PEAK3: variants seen among roughly 807,000 people sequenced by gnomAD.
The protein encoded by PEAK3 is PEAK family member 3.
PEAK3 carries 15 observed loss-of-function variants against 13.3 expected under a neutral mutation model. That is an observed-to-expected ratio of 1.13 (90% CI 0.75 to 1.73). The LOEUF is 1.73. PEAK3 is among the 40% of genes most tolerant of loss of function. PEAK3 has a pLI of 0.00. For missense variants in PEAK3, 739 were observed against 690.2 expected (o/e 1.07, Z -0.79); for synonymous variants, 347 against 341.9 (o/e 1.01, Z -0.17).
Position 2,280,891 on chromosome 19 carries a change from T to C in PEAK3, c.41A>G (p.Asp14Gly). The part of the protein sequence containing the change: ...PEPPTEPPEP[D>G]NPTWSTQPTY... ...GGGCTGAGTCGACCAGGTGGGGTTGTCGGGCTCGGGGGGCTCTGTGGGGGG... is the reference window on the plus strand; with the variant it reads ...GGGCTGAGTCGACCAGGTGGGGTTGCCGGGCTCGGGGGGCTCTGTGGGGGG... The change falls in exon 2 of 4, where the codon GAC becomes GGC. Residue 14 changes from aspartate (D) to glycine (G), a missense_variant. Physicochemically the swap from Asp to Gly is moderately conservative, Grantham distance 94 (BLOSUM62 -1). Transcript: ENST00000342063. 1 of 1,597,550 alleles carries C rather than the reference T, an allele frequency of 6.3e-7. No homozygotes were observed. Among genetic ancestry groups the C allele is most frequent in the Non-Finnish European group, 8.5e-7 (1 of 1,172,048 alleles).
Position 2,276,437 on chromosome 19 carries a change from G to A in PEAK3, c.665C>T (p.Ala222Val). ...CAGATTGAAGTGTGGAGACAGGGAG[G>A]CCTGCAGCTCCAGGCCCCACGGGTG... ...VPHPWGLELQ[A>V]SLSPHFNLQG... The change falls in exon 4 of 4, where the codon GCC becomes GTC. Residue 222 changes from alanine (A) to valine (V), a missense_variant. Coordinates refer to ENST00000342063, the MANE Select transcript of PEAK3 (RefSeq NM_198532.3). The A allele has an allele frequency of 1.3e-6, 2 of 1,587,864 alleles. No homozygotes were observed. Among genetic ancestry groups the A allele is most frequent in the Non-Finnish European group, 1.7e-6 (2 of 1,171,284 alleles).
At position 2,276,490 on chromosome 19, in the gene PEAK3, C is replaced by T; in HGVS notation, c.613-1G>A. 2.0e-6 allele frequency: 3 copies of T among 1,521,374 alleles called. No individual in the cohort carries two copies. Among genetic ancestry groups the T allele is most frequent in the Non-Finnish European group, 1.8e-6 (2 of 1,141,422 alleles). 94.2% of individuals were successfully genotyped at this position (1,521,374 alleles called of 1,614,324 possible). ...GCACGTCCGCCCCGGGCTTGGGCAC[C>T]TGCAAGGCAGAGGGGGTGTCGGGGC... is the stretch of plus-strand genomic sequence containing the variant. On this transcript the variant is annotated splice_acceptor_variant, in intron 3 of 3. Transcript: ENST00000342063. LOFTEE classifies it high-confidence loss of function.
chr19:2,280,981 G>T (rs183152543), intron 1 of PEAK3, 46 bp from the exon 2 acceptor site: 42 of 1,293,280 alleles, frequency 3.2e-5, no homozygotes, highest in African/African-American at 4.6e-5. Context: ...CCGTGTGCAC[G>T]CACAGGGCGA....
chr19:2,275,730 C>T lies in PEAK3; in HGVS notation c.1372G>A (p.Glu458Lys), dbSNP rs755197471. 7 of 1,559,478 alleles carry T rather than the reference C, an allele frequency of 4.5e-6. No homozygotes were observed. Among genetic ancestry groups the T allele is most frequent in the Admixed American group, 1.9e-5 (1 of 53,250 alleles). The change falls in exon 4 of 4, where the codon GAG becomes AAG. Residue 458 changes from glutamate to lysine, a missense_variant. Coordinates refer to ENST00000342063, the MANE Select transcript of PEAK3 (RefSeq NM_198532.3). Reference protein sequence around the residue: ...EDWLCCEYLAEATESSMGQAL... With the variant: ...EDWLCCEYLAKATESSMGQAL... ...TGGCCCATCGAGGACTCGGTGGCCT[C>T]GGCCAGGTATTCGCAACACAGCCAG...
At position 2,278,809 on chromosome 19, in the gene PEAK3, G is replaced by C; in HGVS notation, c.387C>G (p.His129Gln). The C allele has an allele frequency of 1.9e-6, 3 of 1,593,156 alleles. No homozygotes were observed. Among genetic ancestry groups the C allele is most frequent in the African/African-American group, 2.7e-5 (2 of 74,640 alleles). The change falls in exon 3 of 4, where the codon CAC becomes CAG. Residue 129 changes from histidine (H) to glutamine (Q), a missense_variant. Transcript: ENST00000342063. ...APLGLSLRDLHSPEAVHTALA... is the reference protein window; with the variant it reads ...APLGLSLRDLQSPEAVHTALA... Reference sequence around the variant, plus strand: ...GTGCAGTGTGCACAGCCTCCGGGCTGTGCAGATCGCGGAGGGAGAGGCCCA... The same window carrying C: ...GTGCAGTGTGCACAGCCTCCGGGCTCTGCAGATCGCGGAGGGAGAGGCCCA...
In PEAK3 at chr19:2,275,961, G is replaced by A; in HGVS notation, c.1141C>T (p.Leu381=). 7.1e-7 allele frequency: 1 copy of A among 1,412,676 alleles called. No homozygotes were observed. Among genetic ancestry groups the A allele is most frequent in the Non-Finnish European group, 9.2e-7 (1 of 1,090,708 alleles). The allele number at this position is 1,412,676 out of a possible 1,614,324, so 87.5% of individuals were successfully genotyped here. Residue 381 remains leucine, a synonymous_variant, in exon 4 of 4, where the codon CTG becomes TTG. Transcript: ENST00000342063. ...AAGLELLAAQ[L]TRLRPSASRT... ...GACGCCGAGGGCCGCAAGCGGGTCA[G>A]CTGTGCTGCCAGGAGCTCCAGGCCC...
rs2025391732 is a variant in PEAK3 at position 2,276,502 on chromosome 19, G to A, written c.613-13C>T. 2 of 1,490,880 alleles carry A rather than the reference G, an allele frequency of 1.3e-6. No individual in the cohort carries two copies. Among genetic ancestry groups the A allele is most frequent in the Non-Finnish European group, 1.8e-6 (2 of 1,128,048 alleles). 92.4% of individuals were successfully genotyped at this position (1,490,880 alleles called of 1,614,324 possible). On this transcript the variant is annotated splice_polypyrimidine_tract_variant and intron_variant, in intron 3 of 3. Transcript: ENST00000342063. The stretch of plus-strand genomic sequence containing the variant: ...CGGGCTTGGGCACCTGCAAGGCAGA[G>A]GGGGTGTCGGGGCCTGGATCACTGG...
In PEAK3 at chr19:2,276,478, G is replaced by A. The variant is rs2025391558; in HGVS notation, c.624C>T (p.Pro208=). Residue 208 remains proline, a synonymous_variant, in exon 4 of 4, where the codon CCC becomes CCT. Coordinates refer to ENST00000342063, the MANE Select transcript of PEAK3 (RefSeq NM_198532.3). ...WHILVAKVPK[P]GADVPHPWGL... is the part of the protein sequence containing the mutation. ...CCCACGGGTGGGGCACGTCCGCCCC[G>A]GGCTTGGGCACCTGCAAGGCAGAGG... 1.3e-6 allele frequency: 2 copies of A among 1,538,024 alleles called. No homozygotes were observed. The highest frequency in any genetic ancestry group is 1.4e-5 in the African/African-American group (1 of 72,826).
intron 3 of PEAK3, among the ~76,000 whole-genome samples, 180 bp downstream of exon 3, chr19:2,278,404 G>T (rs925578994): frequency 1.3e-5 from 2 of 151,766 alleles, no homozygotes; most frequent in African/African-American, 4.9e-5. Context: ...CAGCTGATCC[G>T]CCCGCCTTGG....
chr19:2,279,067 C>T lies in PEAK3; in HGVS notation c.129G>A (p.Arg43=), dbSNP rs2025418832. The part of the protein sequence containing the change: ...HLLPSKACRL[R]TPGSLSTNPE... ...GGTTGGTGGAGAGGGACCCAGGGGT[C>T]CGGAGGCGGCAGGCCTTGGAGGGCA... The change falls in exon 3 of 4, where the codon CGG becomes CGA. Residue 43 remains arginine, a synonymous_variant. Coordinates refer to ENST00000342063, the MANE Select transcript of PEAK3 (RefSeq NM_198532.3). 3 of 1,474,260 alleles carry T rather than the reference C, an allele frequency of 2.0e-6. No individual in the cohort carries two copies. The highest frequency in any genetic ancestry group is 2.7e-6 in the Non-Finnish European group (3 of 1,107,950). 91.3% of individuals were successfully genotyped at this position (1,474,260 alleles called of 1,614,324 possible). A position where few individuals can be genotyped will look rare whatever the true frequency, so the allele number is the denominator to read the frequency against.
Position 2,275,665 on chromosome 19 carries a change from C to A in PEAK3, c.*15G>T. ...TGGGCAGGCCTGGACCAGGTGTGTT[C>A]GCCCTGGGTTGGGGTCAGTCCCACA... On this transcript the variant is annotated 3_prime_UTR_variant, in exon 4 of 4. Coordinates refer to ENST00000342063, the MANE Select transcript of PEAK3 (RefSeq NM_198532.3). 3 of 1,435,018 alleles carry A rather than the reference C, an allele frequency of 2.1e-6. No individual in the cohort carries two copies. Among genetic ancestry groups the A allele is most frequent in the South Asian group, 3.1e-5 (2 of 65,236 alleles). 88.9% of individuals were successfully genotyped at this position (1,435,018 alleles called of 1,614,324 possible).
intron 1 of PEAK3, among the ~76,000 whole-genome samples, chr19:2,281,469 G>A (rs1389532810): frequency 8.9e-6 from 1 of 112,918 alleles, no homozygotes. Context: ...GATCCCGAGT[G>A]GGTTTCCTAC....
intron 3 of PEAK3, among the ~76,000 whole-genome samples, chr19:2,277,585 G>C (rs1014118471): frequency 6.6e-6 from 1 of 151,802 alleles, no homozygotes; most frequent in Non-Finnish European, 1.5e-5. Context: ...TTGAGACAGA[G>C]TCTCACTCTG....
At chr19:2,280,217 C>G (rs2025427577) in intron 2 of PEAK3, among the ~76,000 whole-genome samples, 1 of 151,788 alleles carries the variant, frequency 6.6e-6, no homozygotes, top group Non-Finnish European at 1.5e-5. Context: ...CATGCACCAC[C>G]ATGTCTGGCT....
At chr19:2,276,794 C>T (rs1599157631) in intron 3 of PEAK3, among the ~76,000 whole-genome samples, 3 of 152,052 alleles carry the variant, frequency 2.0e-5, no homozygotes, top group African/African-American at 2.4e-5. Flanking sequence ...GCAGGGGGAT[C>T]GCTGAGGTCA....
rs867939551 is a variant in PEAK3, at chr19:2,278,847, C to T, written c.349G>A (p.Ala117Thr). Residue 117 changes from alanine (A) to threonine (T), a missense_variant, in exon 3 of 4, where the codon GCT becomes ACT. By Grantham distance (58) the Ala-to-Thr change is moderately conservative. Coordinates refer to ENST00000342063, the MANE Select transcript of PEAK3 (RefSeq NM_198532.3). Reference sequence around the variant, plus strand: ...AGGGAGAGGCCCAGTGGGGCGTCAGCCGGGCCAAAGGTCAGCTCTGCAGGG... The same window carrying T: ...AGGGAGAGGCCCAGTGGGGCGTCAGTCGGGCCAAAGGTCAGCTCTGCAGGG... ...CLPAELTFGPADAPLGLSLRD... is the reference protein window; with the variant it reads ...CLPAELTFGPTDAPLGLSLRD... 3 of 1,596,914 alleles carry T rather than the reference C, an allele frequency of 1.9e-6. No homozygotes were observed. The highest frequency in any genetic ancestry group is 3.5e-5 in the Admixed American group (2 of 57,332).
At position 2,278,951 on chromosome 19, in the gene PEAK3, T is replaced by C; in HGVS notation, c.245A>G (p.Gln82Arg). The C allele has an allele frequency of 1.2e-6, 2 of 1,606,584 alleles. No homozygotes were observed. The highest frequency in any genetic ancestry group is 2.2e-5 in the South Asian group (2 of 90,172). The change falls in exon 3 of 4, where the codon CAA becomes CGA. Residue 82 changes from glutamine (Q) to arginine (R), a missense_variant. By Grantham distance (43) the Gln-to-Arg change is conservative. Transcript: ENST00000342063. ...TRRTLHPSSI[Q>R]VQPPRRPFLG... The stretch of plus-strand genomic sequence containing the variant: ...AAAGGGTCTCCGAGGCGGCTGTACT[T>C]GGATGGAGCTGGGATGGAGGGTCCT...
At chr19:2,276,967 G>A (rs998467797) in intron 3 of PEAK3, among the ~76,000 whole-genome samples, 8 of 151,956 alleles carry the variant, frequency 5.3e-5, no homozygotes, top group African/African-American at 1.9e-4. Context: ...AGCCGAGAAC[G>A]CGCCACTGCA....
At chr19:2,276,599 C>CTAGCCGTAGTGGGGG in intron 3 of PEAK3, 110 bp from the exon 4 acceptor site, 2 of 925,222 alleles carry the variant, frequency 2.2e-6, no homozygotes, top group Non-Finnish European at 3.1e-6. Flanking sequence ...CAAACTGCCC[C>CTAGCCGTAGTGGGGG]CACTACGGCT....
Sources: allele counts gnomAD v4.1 joint callset (sites outside exome capture counted in the v4.1 genomes callset), GRCh38; gene constraint gnomAD v4.1.1; transcripts MANE v1.5; gene names NCBI Gene and HGNC (gene_info 2026-07-23, HGNC 2026-07-21).